The following RAB11FIP5 variants were observed in gnomAD, a reference collection of about 807,000 sequenced individuals.
RAB11FIP5 encodes the protein RAB11 family interacting protein 5.
RAB11FIP5 carries 48 observed loss-of-function variants against 85.1 expected under a neutral mutation model. The observed-to-expected ratio is 0.56, with a 90% confidence interval of 0.45 to 0.72. RAB11FIP5 has a LOEUF of 0.72. RAB11FIP5 is among the 30% of genes least tolerant of loss of function. The pLI, the probability that RAB11FIP5 is intolerant of heterozygous loss-of-function variation, is 0.00. For synonymous variants in RAB11FIP5, 729 were observed against 727.3 expected (o/e 1.00, Z -0.04); for missense variants, 1,491 against 1,687.0 (o/e 0.88, Z 2.04).
At chr2:73,103,884 T>G (rs1684477080) in intron 1 of RAB11FIP5, among the ~76,000 whole-genome samples, 2 of 152,178 alleles carry the variant, frequency 1.3e-5, no homozygotes, top group South Asian at 4.1e-4. Flanking sequence ...AAATTCCACT[T>G]AACCCATCCC....
intron 3 of RAB11FIP5, among the ~76,000 whole-genome samples, chr2:73,087,802 T>G (rs1006707679): frequency 6.6e-6 from 1 of 152,134 alleles, no homozygotes; most frequent in South Asian, 2.1e-4. Context: ...CAGCAAGGCC[T>G]AGGGCTGAGA....
intron 1 of RAB11FIP5, among the ~76,000 whole-genome samples, chr2:73,096,435 G>A (rs1055535892): frequency 2.0e-5 from 3 of 152,182 alleles, no homozygotes; most frequent in African/African-American, 7.2e-5. Flanking sequence ...ATGGGTAGCT[G>A]CAGCAGCAGG....
At chr2:73,077,612 A>G (rs183407216) in intron 4 of RAB11FIP5, among the ~76,000 whole-genome samples, 8 of 152,292 alleles carry the variant, frequency 5.3e-5, no homozygotes, top group Non-Finnish European at 2.9e-5. Context: ...CATTCTTACC[A>G]AGATCTTACA....
At chr2:73,111,335 C>T (rs1684650843) in intron 1 of RAB11FIP5, among the ~76,000 whole-genome samples, 1 of 152,210 alleles carries the variant, frequency 6.6e-6, no homozygotes, top group South Asian at 2.1e-4. Flanking sequence ...GGATGCCATT[C>T]CACTGGGGCA....
At position 73,075,854 on chromosome 2, in the gene RAB11FIP5, C is replaced by G; in HGVS notation, c.3772-130G>C. Reference sequence around the variant, plus strand: ...CCACAGGGCCCCAGGCTGCCTGTCTCCAAAGTCAGAGCCTAACTGGCTTCA... The same window carrying G: ...CCACAGGGCCCCAGGCTGCCTGTCTGCAAAGTCAGAGCCTAACTGGCTTCA... On this transcript the variant is annotated intron_variant, in intron 5 of 5. Transcript: ENST00000486777. This position sits in a 1 kb window ranked among gnomAD's most constrained non-coding sequence, Gnocchi z 4.6. 1.4e-6 allele frequency: 2 copies of G among 1,457,248 alleles called. No homozygotes were observed. The highest frequency in any genetic ancestry group is 1.9e-6 in the Non-Finnish European group (2 of 1,071,194). The allele number at this position is 1,457,248 out of a possible 1,614,324, so 90.3% of individuals were successfully genotyped here.
chr2:73,090,105 T>G (rs1684181270), intron 1 of RAB11FIP5, among the ~76,000 whole-genome samples: 1 of 152,066 alleles, frequency 6.6e-6, no homozygotes, highest in Non-Finnish European at 1.5e-5. Flanking sequence ...AAAAAGCATA[T>G]GAGGTAAGAG....
chr2:73,086,682 A>G lies in RAB11FIP5; in HGVS notation c.1568+1368T>C, dbSNP rs950168284. On this transcript the variant is annotated intron_variant, in intron 3 of 5. Coordinates refer to ENST00000486777, the MANE Select transcript of RAB11FIP5 (RefSeq NM_001371272.1). This position sits in a 1 kb window ranked among gnomAD's most constrained non-coding sequence, Gnocchi z 4.4. ...CCAAATACCTCTGGCTGGCTGTCAC[A>G]GGGACACCAGGCTCAGCCTGGCATC... Among the ~76,000 whole-genome samples the G allele has an allele frequency of 2.6e-5, 4 of 152,114 alleles. No individual in the cohort carries two copies. Among genetic ancestry groups the G allele is most frequent in the Non-Finnish European group, 5.9e-5 (4 of 68,020 alleles).
In RAB11FIP5 at chr2:73,079,819, G is replaced by C. The variant is rs111896251; in HGVS notation, c.3413C>G (p.Ser1138Cys). ...LSEAWPLTTS[S>C]APPGEPALLP... ...TAAGGCTGGCTCCCCTGGTGGTGCAGAGGAGGTAGTCAGGGGCCAGGCTTC... is the reference window on the plus strand; with the variant it reads ...TAAGGCTGGCTCCCCTGGTGGTGCACAGGAGGTAGTCAGGGGCCAGGCTTC... Residue 1138 changes from serine (S) to cysteine (C), a missense_variant, in exon 4 of 6, where the codon TCT becomes TGT. Ser to Cys is a moderately radical substitution (Grantham distance 112). This residue lies in a region of RAB11FIP5 where 232 missense variants were observed against 259.1 expected (regional missense o/e 0.90). Transcript: ENST00000486777. 1,421 of 1,232,414 alleles carry C rather than the reference G, an allele frequency of 1.2e-3. 11 individuals carry two copies. In the African/African-American group the frequency reaches 0.02, roughly 17 times the overall value. 76.3% of individuals were successfully genotyped at this position (1,232,414 alleles called of 1,614,324 possible).
In RAB11FIP5 at chr2:73,075,227, C is replaced by A. The variant is rs1559230725; in HGVS notation, c.*294G>T. The A allele has an allele frequency of 1.5e-6, 1 of 674,830 alleles. No individual in the cohort carries two copies. The highest frequency in any genetic ancestry group is 2.7e-6 in the Non-Finnish European group (1 of 367,294). 41.8% of individuals were successfully genotyped at this position (674,830 alleles called of 1,614,324 possible). ...AAGCTACAGTTCACCCCTGCTCTGT[C>A]TTGGGGGAAGAGTTCCAATTCCCTG... On this transcript the variant is annotated 3_prime_UTR_variant, in exon 6 of 6. Coordinates refer to ENST00000486777, the MANE Select transcript of RAB11FIP5 (RefSeq NM_001371272.1). The surrounding 1 kb of genome is among the most constrained non-coding windows in gnomAD (Gnocchi z 4.6).
chr2:73,108,148 T>G (rs188682675), intron 1 of RAB11FIP5, among the ~76,000 whole-genome samples: 4 of 152,334 alleles, frequency 2.6e-5, no homozygotes, highest in Admixed American at 2.6e-4. Context: ...CGAGCTCCCT[T>G]GCCAAGTGGC....
intron 1 of RAB11FIP5, among the ~76,000 whole-genome samples, chr2:73,102,581 C>T (rs1160013529): frequency 6.6e-6 from 1 of 152,086 alleles, no homozygotes; most frequent in African/African-American, 2.4e-5. Context: ...TTTTTCGCCC[C>T]CTGCGGCAGC....
At chr2:73,076,212 C>T in intron 4 of RAB11FIP5, 30 bp from the exon 5 acceptor site, 1 of 1,551,514 alleles carries the variant, frequency 6.4e-7, no homozygotes, top group Non-Finnish European at 8.8e-7. Context: ...ATGGGTTACA[C>T]AGAGAGAAGG....
intron 1 of RAB11FIP5, among the ~76,000 whole-genome samples, chr2:73,096,040 C>G (rs1481057833): frequency 6.6e-6 from 1 of 152,188 alleles, no homozygotes; most frequent in Non-Finnish European, 1.5e-5. Flanking sequence ...CTTACAGGGC[C>G]CCCTGCTAAG....
At position 73,086,135 on chromosome 2, in the gene RAB11FIP5, C is replaced by T. The variant is rs933052722; in HGVS notation, c.1568+1915G>A. Among the ~76,000 whole-genome samples, 4 of 152,226 alleles carry T rather than the reference C, an allele frequency of 2.6e-5. No homozygotes were observed. The highest frequency in any genetic ancestry group is 5.9e-5 in the Non-Finnish European group (4 of 68,030). On this transcript the variant is annotated intron_variant, in intron 3 of 5. Coordinates refer to ENST00000486777, the MANE Select transcript of RAB11FIP5 (RefSeq NM_001371272.1). The surrounding 1 kb of genome is among the most constrained non-coding windows in gnomAD (Gnocchi z 4.4). ...GATTGAGCTCAAAGGCCAGGTGTCA[C>T]ATCTGTCCAGGCCAGGCCATCTTAC...
At chr2:73,108,291 A>T (rs1234493068) in intron 1 of RAB11FIP5, among the ~76,000 whole-genome samples, 1 of 152,202 alleles carries the variant, frequency 6.6e-6, no homozygotes, top group Non-Finnish European at 1.5e-5. Flanking sequence ...CTTTCCCAAG[A>T]GGCCAGCTTC....
At chr2:73,076,279 C>G in intron 4 of RAB11FIP5, 97 bp from the exon 5 acceptor site, 2 of 1,194,708 alleles carry the variant, frequency 1.7e-6, no homozygotes, top group Non-Finnish European at 2.4e-6. Context: ...GTCTGCTGGA[C>G]AGAAAGCCCA....
At chr2:73,108,364 AG>A (rs1684571184) in intron 1 of RAB11FIP5, among the ~76,000 whole-genome samples, 1 of 152,178 alleles carries the variant, frequency 6.6e-6, no homozygotes, top group South Asian at 2.1e-4. Context: ...GCCTTACCGC[AG>A]GGACCATTTC....
chr2:73,075,026 G>C lies in RAB11FIP5; in HGVS notation c.*495C>G, dbSNP rs1033905570. 2 of 357,580 alleles carry C rather than the reference G, an allele frequency of 5.6e-6. No individual in the cohort carries two copies. The highest frequency in any genetic ancestry group is 1.1e-5 in the Non-Finnish European group (2 of 181,510). The allele number at this position is 357,580 out of a possible 1,614,324, so 22.2% of individuals were successfully genotyped here. The stretch of plus-strand genomic sequence containing the variant: ...GTGAGGCTGAAGAGGCTGGTTGCCC[G>C]TAACTCACAGACAAACAGGCAGCGT... On this transcript the variant is annotated 3_prime_UTR_variant, in exon 6 of 6. Coordinates refer to ENST00000486777, the MANE Select transcript of RAB11FIP5 (RefSeq NM_001371272.1). This position sits in a 1 kb window ranked among gnomAD's most constrained non-coding sequence, Gnocchi z 4.6.
chr2:73,102,216 G>T (rs927576764), intron 1 of RAB11FIP5, among the ~76,000 whole-genome samples: 1 of 152,102 alleles, frequency 6.6e-6, no homozygotes, highest in Non-Finnish European at 1.5e-5. Context: ...GTCACACTAA[G>T]GAGCCATAAT....
Sources: gnomAD v4.1 joint callset for allele counts (sites outside exome capture counted in the v4.1 genomes callset) on GRCh38, gnomAD v4.1.1 for gene constraint, gnomAD v4.1.1 regional missense constraint, Gnocchi (gnomAD v3.1) non-coding constraint, MANE v1.5 for transcripts, NCBI Gene and HGNC (gene_info 2026-07-23, HGNC 2026-07-21) for gene names.